The following AKAP13 variants were observed in gnomAD, a reference collection of about 807,000 sequenced individuals.
AKAP13 encodes A-kinase anchoring protein 13, also known as A-kinase anchor protein 13.
AKAP13 carries 80 observed loss-of-function variants against 264.5 expected under a neutral mutation model. The ratio of observed to expected loss-of-function variants is 0.30; its 90% CI spans 0.25 to 0.36. The LOEUF (loss-of-function observed/expected upper bound fraction) is 0.36, where lower values mean the gene tolerates loss of function less well. Among genes scored for constraint, AKAP13 ranks in the 10% least tolerant of loss-of-function variants. AKAP13 has a pLI of 1.00. For missense variants in AKAP13, 3,712 were observed against 3,435.2 expected, an observed-to-expected ratio of 1.08 and a Z score of -2.01; for synonymous variants, 1,380 against 1,250.2, an observed-to-expected ratio of 1.10 and a Z score of -2.19.
Position 85,741,184 on chromosome 15 carries a change from G to A in AKAP13, c.7747G>A (p.Asp2583Asn). ...GCGCAGCCTGGAGAAGCAGCGCCAGGACCTGGCCAACCTGCAGAAGCAGCA... is the reference window on the plus strand; with the variant it reads ...GCGCAGCCTGGAGAAGCAGCGCCAGAACCTGGCCAACCTGCAGAAGCAGCA... ...KQRSLEKQRQ[D>N]LANLQKQQAQ... Residue 2583 changes from aspartate (D) to asparagine (N), a missense_variant, in exon 35 of 37, where the codon GAC becomes AAC. Transcript: ENST00000394518. The A allele has an allele frequency of 6.2e-7, 1 of 1,611,836 alleles. No individual in the cohort carries two copies. The highest frequency in any genetic ancestry group is 1.7e-4 in the Middle Eastern group (1 of 5,876).
intron 1 of AKAP13, among the ~76,000 whole-genome samples, chr15:85,469,055 C>T (rs1267974585): frequency 5.1e-5 from 7 of 137,602 alleles, no homozygotes; most frequent in Non-Finnish European, 6.1e-5. Context: ...GCTTGGACTA[C>T]AGGCGTGCAC....
intron 12 of AKAP13, among the ~76,000 whole-genome samples, chr15:85,664,350 A>G (rs2151547417): frequency 6.6e-6 from 1 of 152,352 alleles, no homozygotes; most frequent in Non-Finnish European, 1.5e-5. Flanking sequence ...TAATGCGGTA[A>G]GAAAATCTAA....
At chr15:85,593,923 T>C (rs2057431864) in intron 8 of AKAP13, among the ~76,000 whole-genome samples, 1 of 152,204 alleles carries the variant, frequency 6.6e-6, no homozygotes, top group Non-Finnish European at 1.5e-5. Context: ...TTTTGATTCA[T>C]TTATTTAGAG....
intron 1 of AKAP13, among the ~76,000 whole-genome samples, chr15:85,405,891 G>A (rs2071638732): frequency 6.6e-6 from 1 of 151,882 alleles, no homozygotes; most frequent in South Asian, 2.1e-4. Context: ...CCATCGCCAA[G>A]GCTGTTAGAG....
Position 85,749,105 on chromosome 15 carries a change from T to C in AKAP13, c.*4428T>C, listed in dbSNP as rs912760035. On this transcript the variant is annotated 3_prime_UTR_variant, in exon 37 of 37. Transcript: ENST00000394518. ...TCATTGCTTGTTTGCAAATGCTCTA[T>C]GGACATTTGTGTGCTAAATCCTATT... The C allele has an allele frequency of 2.0e-5, 3 of 152,260 alleles. No individual in the cohort carries two copies. Among genetic ancestry groups the C allele is most frequent in the Non-Finnish European group, 4.4e-5 (3 of 68,042 alleles). The allele number at this position is 152,260 out of a possible 1,614,324, so 9.4% of individuals were successfully genotyped here. A position where few individuals can be genotyped will look rare whatever the true frequency, so the allele number is the denominator to read the frequency against.
At chr15:85,397,125 C>T (rs117341335) in intron 1 of AKAP13, among the ~76,000 whole-genome samples, 116 of 144,320 alleles carry the variant, frequency 8.0e-4, no homozygotes, top group Non-Finnish European at 1.5e-3. Context: ...AATTGAATAC[C>T]TCCATAAATC....
chr15:85,552,273 C>T (rs574896401), intron 5 of AKAP13, among the ~76,000 whole-genome samples: 4 of 152,268 alleles, frequency 2.6e-5, no homozygotes, highest in African/African-American at 9.6e-5. Context: ...TGTCCTGGCA[C>T]ATCAGTAAGA....
intron 1 of AKAP13, among the ~76,000 whole-genome samples, chr15:85,388,034 A>G (rs901005129): frequency 9.8e-6 from 1 of 102,248 alleles, no homozygotes; most frequent in Non-Finnish European, 2.0e-5. Flanking sequence ...GTATACTTTC[A>G]TTTCCTTTTT....
intron 23 of AKAP13, among the ~76,000 whole-genome samples, chr15:85,720,331 G>T (rs189564506): frequency 6.6e-6 from 1 of 152,022 alleles, no homozygotes; most frequent in East Asian, 1.9e-4. Flanking sequence ...AAATCAGAAG[G>T]ATCTCATGTG....
chr15:85,591,242 A>G (rs1213783332), intron 8 of AKAP13, among the ~76,000 whole-genome samples: 1 of 152,010 alleles, frequency 6.6e-6, no homozygotes, highest in South Asian at 2.1e-4. Context: ...CCATTATACT[A>G]TTTCCTGAAG....
chr15:85,383,615 C>A (rs116017288), intron 1 of AKAP13, among the ~76,000 whole-genome samples: 1,941 of 152,248 alleles, frequency 0.013, 45 homozygotes, highest in African/African-American at 0.045. Flanking sequence ...TTCAAAGGTG[C>A]CAGATGAACT....
intron 2 of AKAP13, among the ~76,000 whole-genome samples, chr15:85,519,765 A>G (rs1426799977): frequency 6.6e-6 from 1 of 152,140 alleles, no homozygotes; most frequent in South Asian, 2.1e-4. Context: ...ATTGTTTGTT[A>G]ATAGACCTGG....
At chr15:85,451,707 G>C (rs1029734169) in intron 1 of AKAP13, among the ~76,000 whole-genome samples, 1 of 152,190 alleles carries the variant, frequency 6.6e-6, no homozygotes, top group African/African-American at 2.4e-5. Context: ...GTCTCTTCTG[G>C]CTTGTAGGGT....
intron 16 of AKAP13, 65 bp downstream of exon 16, chr15:85,684,938 C>T: frequency 6.6e-7 from 1 of 1,520,772 alleles, no homozygotes; most frequent in East Asian, 2.4e-5. Flanking sequence ...CCTGCATTCA[C>T]ACCAAAACTG....
At chr15:85,484,364 A>G (rs1445245088) in intron 1 of AKAP13, among the ~76,000 whole-genome samples, 2 of 152,212 alleles carry the variant, frequency 1.3e-5, no homozygotes, top group South Asian at 4.1e-4. Flanking sequence ...TTTTGCACCT[A>G]AAAGTACAAA....
chr15:85,552,096 C>T (rs890689477), intron 5 of AKAP13, among the ~76,000 whole-genome samples: 11 of 152,158 alleles, frequency 7.2e-5, no homozygotes, highest in Admixed American at 3.3e-4. Flanking sequence ...AATGAAGTTA[C>T]GCGATACAAG....
rs537858051 is a variant in AKAP13, at chr15:85,546,711, C to T, written c.662+2756C>T. On this transcript the variant is annotated intron_variant, in intron 5 of 36. Coordinates refer to ENST00000394518, the MANE Select transcript of AKAP13 (RefSeq NM_007200.5). ...AAGGGGTTTGTAGAAAGTTAAGAAT[C>T]GCCACAATGTATGATGCTATCTTTC... Among the ~76,000 whole-genome samples the T allele has an allele frequency of 1.1e-4, 17 of 151,622 alleles. No individual in the cohort carries two copies. In the South Asian group the frequency reaches 3.1e-3, roughly 28 times the overall value.
intron 1 of AKAP13, among the ~76,000 whole-genome samples, chr15:85,397,663 G>T (rs1486176970): frequency 6.6e-6 from 1 of 152,112 alleles, no homozygotes; most frequent in African/African-American, 2.4e-5. Context: ...GTATTTTTAT[G>T]ATTTTACCAG....
chr15:85,402,252 T>C (rs1422869863), intron 1 of AKAP13, among the ~76,000 whole-genome samples: 2 of 152,216 alleles, frequency 1.3e-5, no homozygotes, highest in Non-Finnish European at 2.9e-5. Context: ...AGTTCCACTT[T>C]CCTCTAGTTT....
Sources: gnomAD v4.1 joint callset for allele counts (sites outside exome capture counted in the v4.1 genomes callset) on GRCh38, gnomAD v4.1.1 for gene constraint, MANE v1.5 for transcripts, NCBI Gene and HGNC (gene_info 2026-07-23, HGNC 2026-07-21) for gene names.